Variants in MLKL observed in about 807,000 individuals in gnomAD.
MLKL encodes the protein mixed lineage kinase domain-like protein.
A neutral mutation model predicts 56.5 loss-of-function variants in MLKL; 55 were observed. The observed-to-expected ratio is 0.97, with a 90% CI of 0.78 to 1.22. The LOEUF (loss-of-function observed/expected upper bound fraction) is 1.22. MLKL is among the 50% of genes most tolerant of loss of function. MLKL has a pLI of 0.00. For synonymous variants in MLKL, 251 were observed against 208.3 expected (o/e 1.20, Z -1.76); for missense variants, 694 against 573.9 (o/e 1.21, Z -2.14).
Position 74,682,582 on chromosome 16 carries a change from T to C in MLKL, c.956+69A>G, listed in dbSNP as rs1960045728. ...GGGCGTCTGGCCTGTTCTCTCACCA[T>C]CTCTGGGAGTATCAGGAGTGTGGAC... On this transcript the variant is annotated intron_variant, in intron 6 of 10. Coordinates refer to ENST00000308807, the MANE Select transcript of MLKL (RefSeq NM_152649.4). 8.8e-6 allele frequency: 14 copies of C among 1,584,878 alleles called. No individual in the cohort carries two copies. The African/African-American group carries it at 1.1e-4, about 12-fold the overall frequency.
chr16:74,690,924 AACTC>A (rs753411918), intron 4 of MLKL, among the ~76,000 whole-genome samples: 3 of 152,142 alleles, frequency 2.0e-5, no homozygotes, highest in Non-Finnish European at 4.4e-5. Flanking sequence ...ACAGACACGT[AACTC>A]TACCAGTTGT....
chr16:74,674,820 G>C (rs1489114257), intron 10 of MLKL, 140 bp downstream of exon 10: 1 of 1,039,710 alleles, frequency 9.6e-7, no homozygotes, highest in East Asian at 2.5e-5. Flanking sequence ...AAACAACAAT[G>C]TTTCAGACAT....
At chr16:74,674,933 C>T (rs367807657) in intron 10 of MLKL, 27 bp downstream of exon 10, 85 of 1,605,260 alleles carry the variant, frequency 5.3e-5, no homozygotes, top group Middle Eastern at 1.7e-4. Flanking sequence ...ATGGGGCTCA[C>T]GCTCTTTACA....
chr16:74,673,051 G>C (rs1959331196), intron 10 of MLKL, among the ~76,000 whole-genome samples: 1 of 152,196 alleles, frequency 6.6e-6, no homozygotes, highest in Admixed American at 6.5e-5. Flanking sequence ...GGAGAGGAGA[G>C]ATGACAGATG....
Position 74,672,385 on chromosome 16 carries a change from G to A in MLKL, c.*119C>T, listed in dbSNP as rs1248348138. On this transcript the variant is annotated 3_prime_UTR_variant, in exon 11 of 11. Coordinates refer to ENST00000308807, the MANE Select transcript of MLKL (RefSeq NM_152649.4). Reference sequence around the variant, plus strand: ...CGTTTTCTATTTGTAACAGAGAAGCGTGCCCACTCCTTGCACCCATAGATA... The same window carrying A: ...CGTTTTCTATTTGTAACAGAGAAGCATGCCCACTCCTTGCACCCATAGATA... The A allele has an allele frequency of 4.1e-5, 35 of 853,890 alleles. 1 individual carries two copies. The highest frequency in any genetic ancestry group is 4.1e-4 in the South Asian group (26 of 63,644). 52.9% of individuals were successfully genotyped at this position (853,890 alleles called of 1,614,324 possible).
intron 6 of MLKL, among the ~76,000 whole-genome samples, chr16:74,681,413 T>C (rs549724536): frequency 6.6e-6 from 1 of 152,250 alleles, no homozygotes; most frequent in East Asian, 1.9e-4. Flanking sequence ...ACCCTGCAGA[T>C]GGTTTGTGAG....
intron 1 of MLKL, among the ~76,000 whole-genome samples, chr16:74,697,945 C>G (rs1024653707): frequency 6.6e-6 from 1 of 152,162 alleles, no homozygotes; most frequent in African/African-American, 2.4e-5. Context: ...ATGACTCAAA[C>G]CTGTAATCCC....
At position 74,685,573 on chromosome 16, in the gene MLKL, G is replaced by A. The variant is rs867785638; in HGVS notation, c.733C>T (p.Gln245Ter). The change falls in exon 5 of 11, where the codon CAG (glutamine) becomes TAG (stop). Residue 245 changes from glutamine (Q) to a stop codon, truncating the protein, a stop_gained. Transcript: ENST00000308807. LOFTEE classifies it high-confidence loss of function. The part of the protein sequence containing the change: ...LQAGSIAIVR[Q>*]TFNKEIKTMK... ...GTTTTGATCTCCTTATTGAAAGTCT[G>A]CCTCACTATTCTATAAGGATTAAAG... 6.2e-7 allele frequency: 1 copy of A among 1,611,912 alleles called. No homozygotes were observed. The highest frequency in any genetic ancestry group is 1.3e-5 in the African/African-American group (1 of 74,986).
rs1960727915 is a variant in MLKL, at chr16:74,692,400, T to A, written c.477A>T (p.Glu159Asp). 1 of 1,613,258 alleles carries A rather than the reference T, an allele frequency of 6.2e-7. No individual in the cohort carries two copies. The highest frequency in any genetic ancestry group is 2.2e-5 in the East Asian group (1 of 44,888). ...TGATTTCTAATCGTCTCAGTGAAGC[T>A]TCTATTTTTTCATTATCTGCAGGAA... The part of the protein sequence containing the change: ...QMLRRDNEKI[E>D]ASLRRLEINM... The change falls in exon 3 of 11, where the codon GAA becomes GAT. Residue 159 changes from glutamate to aspartate, a missense_variant. Coordinates refer to ENST00000308807, the MANE Select transcript of MLKL (RefSeq NM_152649.4).
intron 1 of MLKL, among the ~76,000 whole-genome samples, chr16:74,698,438 T>G (rs1961181369): frequency 6.6e-6 from 1 of 152,148 alleles, no homozygotes; most frequent in South Asian, 2.1e-4. Flanking sequence ...AGTTGTGTTT[T>G]TGTTGCCTGA....
intron 7 of MLKL, chr16:74,676,224 ACTTTATGG>A: frequency 1.0e-6 from 1 of 993,194 alleles, no homozygotes; most frequent in Non-Finnish European, 1.2e-6. Flanking sequence ...GTGCTATCTG[ACTTTATGG>A]GGGGTCAGCC....
At chr16:74,682,596 A>G in intron 6 of MLKL, 55 bp downstream of exon 6, 1 of 1,599,552 alleles carries the variant, frequency 6.3e-7, no homozygotes, top group Non-Finnish European at 8.5e-7. Flanking sequence ...TGGGAGTATC[A>G]GGAGTGTGGA....
chr16:74,680,871 T>C (rs572721162), intron 6 of MLKL, among the ~76,000 whole-genome samples: 2 of 152,234 alleles, frequency 1.3e-5, no homozygotes, highest in Admixed American at 6.5e-5. Flanking sequence ...AGAATGTGGG[T>C]TGGATCACAG....
Position 74,695,598 on chromosome 16 carries a change from G to T in MLKL, c.160C>A (p.Pro54Thr). 6.2e-7 allele frequency: 1 copy of T among 1,614,172 alleles called. No homozygotes were observed. Among genetic ancestry groups the T allele is most frequent in the African/African-American group, 1.3e-5 (1 of 75,046 alleles). Residue 54 changes from proline (P) to threonine (T), a missense_variant, in exon 2 of 11, where the codon CCC becomes ACC. Transcript: ENST00000308807. ...ATGGCTGTGGTTAACTTCTCAGAGGGCACGCTCCTCTTTCCTTGGTCCTGG... is the reference window on the plus strand; with the variant it reads ...ATGGCTGTGGTTAACTTCTCAGAGGTCACGCTCCTCTTTCCTTGGTCCTGG... The part of the protein sequence containing the change: ...MLQDQGKRSV[P>T]SEKLTTAMNR...
chr16:74,691,530 G>A, intron 3 of MLKL, 67 bp from the exon 4 acceptor site: 1 of 1,517,442 alleles, frequency 6.6e-7, no homozygotes, highest in Non-Finnish European at 8.9e-7. Context: ...TCCTAAGGGA[G>A]GTGGCATATT....
chr16:74,682,921 C>A, intron 5 of MLKL, 135 bp from the exon 6 acceptor site: 2 of 1,091,232 alleles, frequency 1.8e-6, no homozygotes, highest in Non-Finnish European at 2.6e-6. Flanking sequence ...AATCCTCAGC[C>A]CACAGTTTTG....
intron 10 of MLKL, among the ~76,000 whole-genome samples, chr16:74,674,444 C>T (rs546242688): frequency 2.1e-4 from 32 of 151,796 alleles, no homozygotes; most frequent in African/African-American, 6.0e-4. Context: ...TGAGCCACCG[C>T]GCCTGGCCAA....
At chr16:74,693,469 G>GAAAAAAA (rs368453648) in intron 2 of MLKL, among the ~76,000 whole-genome samples, 1 of 107,368 alleles carries the variant, frequency 9.3e-6, no homozygotes, top group Non-Finnish European at 1.7e-5. Flanking sequence ...AAAAAAAAAA[G>GAAAAAAA]AAAAGAAAAA....
At chr16:74,689,794 A>T (rs1960559968) in intron 4 of MLKL, among the ~76,000 whole-genome samples, 1 of 152,188 alleles carries the variant, frequency 6.6e-6, no homozygotes, top group Admixed American at 6.5e-5. Context: ...CAGGGAAAAG[A>T]CAGACGACTT....
Sources: gnomAD v4.1 joint callset for allele counts (sites outside exome capture counted in the v4.1 genomes callset) on GRCh38, gnomAD v4.1.1 for gene constraint, MANE v1.5 for transcripts, NCBI Gene and HGNC (gene_info 2026-07-23, HGNC 2026-07-21) for gene names.